The following PRR13 variants were observed in gnomAD, a reference collection of about 807,000 sequenced individuals.
PRR13 encodes proline-rich protein 13.
A neutral mutation model predicts 11.5 loss-of-function variants in PRR13; 7 were observed. That is an observed-to-expected ratio of 0.61 (90% confidence interval 0.34 to 1.14). The LOEUF is 1.14. Ranked by LOEUF, PRR13 falls within the 50% of genes most tolerant of loss-of-function variation. PRR13 has a pLI of 0.03. For synonymous variants in PRR13, 53 were observed against 67.8 expected (o/e 0.78, Z 1.07); for missense variants, 155 against 194.4 (o/e 0.80, Z 1.21).
In PRR13 at chr12:53,442,051, G is replaced by C. The variant is rs1355154029; in HGVS notation, c.-21+259G>C. The C allele has an allele frequency of 3.8e-5, 21 of 552,996 alleles. No individual in the cohort carries two copies. The East Asian group carries it at 6.5e-4, about 17-fold the overall frequency. 34.3% of individuals were successfully genotyped at this position (552,996 alleles called of 1,614,324 possible). Reference sequence around the variant, plus strand: ...TTTGAGATCCTTTCTTACTCTGTGCGTGGTTAAAGGCCTCCGTACTCAGTT... The same window carrying C: ...TTTGAGATCCTTTCTTACTCTGTGCCTGGTTAAAGGCCTCCGTACTCAGTT... On this transcript the variant is annotated intron_variant, in intron 1 of 3. Transcript: ENST00000429243.
At position 53,443,548 on chromosome 12, in the gene PRR13, C is replaced by T. The variant is rs1940338852; in HGVS notation, c.177C>T (p.Pro59=). ...ATCCAGCTTTCCCCCCAGGTGGGCC[C>T]CCTCATCCTGTGCCACAGCCAGGGT... ...HGNPAFPPGG[P]PHPVPQPGYP... The change falls in exon 3 of 4, where the codon CCC becomes CCT. Residue 59 remains proline, a synonymous_variant. Coordinates refer to ENST00000429243, the MANE Select transcript of PRR13 (RefSeq NM_018457.4). The T allele has an allele frequency of 1.9e-6, 3 of 1,589,448 alleles. No individual in the cohort carries two copies. Among genetic ancestry groups the T allele is most frequent in the East Asian group, 2.2e-5 (1 of 44,480 alleles).
intron 3 of PRR13, among the ~76,000 whole-genome samples, chr12:53,444,766 C>T (rs547276946): frequency 3.3e-5 from 5 of 152,076 alleles, no homozygotes; most frequent in South Asian, 2.1e-4. Context: ...GGTGTGGTGG[C>T]GCATGCCTGT....
chr12:53,442,246 TC>T, intron 1 of PRR13: 1 of 215,760 alleles, frequency 4.6e-6, no homozygotes, highest in Non-Finnish European at 9.2e-6. Context: ...ACATTTCTTT[TC>T]TTTTCTTTTC....
chr12:53,441,963 C>T (rs568733926), intron 1 of PRR13, 171 bp downstream of exon 1: 1 of 619,322 alleles, frequency 1.6e-6, no homozygotes, highest in Non-Finnish European at 2.9e-6. Flanking sequence ...CTTCTTACTT[C>T]GCCTCGAGGC....
Position 53,443,877 on chromosome 12 carries a change from T to C in PRR13, c.402+104T>C, listed in dbSNP as rs1428421716. 4.6e-6 allele frequency: 6 copies of C among 1,310,388 alleles called. No individual in the cohort carries two copies. In the African/African-American group the frequency reaches 8.9e-5, roughly 19 times the overall value. 81.2% of individuals were successfully genotyped at this position (1,310,388 alleles called of 1,614,324 possible). ...ATTCACATTCTGTGGACGTGAGGGA[T>C]GACAATTGTGTCGCTCTGGTAGATG... On this transcript the variant is annotated intron_variant, in intron 3 of 3. Transcript: ENST00000429243.
chr12:53,441,951 T>G (rs1356049387), intron 1 of PRR13, 159 bp downstream of exon 1: 7 of 633,042 alleles, frequency 1.1e-5, no homozygotes, highest in South Asian at 1.8e-5. Context: ...TTGGGCAACT[T>G]CCTTCTTACT....
intron 1 of PRR13, 177 bp downstream of exon 1, chr12:53,441,969 G>T: frequency 3.2e-6 from 2 of 617,754 alleles, no homozygotes; most frequent in Non-Finnish European, 2.9e-6. Context: ...ACTTCGCCTC[G>T]AGGCGTATCC....
At chr12:53,442,613 G>C in intron 1 of PRR13, 82 bp from the exon 2 acceptor site, 1 of 1,195,936 alleles carries the variant, frequency 8.4e-7, no homozygotes, top group Non-Finnish European at 1.2e-6. Flanking sequence ...TGGGGTGGAA[G>C]ACGTTAGGGC....
At chr12:53,443,348 ACT>A (rs1289609032) in intron 2 of PRR13, 41 bp from the exon 3 acceptor site, 12 of 1,333,856 alleles carry the variant, frequency 9.0e-6, no homozygotes, top group Admixed American at 3.3e-5. Context: ...GTTGTTGGAG[ACT>A]CTGGGGAATT....
chr12:53,443,774 G>A lies in PRR13; in HGVS notation c.402+1G>A. On this transcript the variant is annotated splice_donor_variant, in intron 3 of 3. Coordinates refer to ENST00000429243, the MANE Select transcript of PRR13 (RefSeq NM_018457.4). LOFTEE classifies it high-confidence loss of function. ...CCACAAGTACCACAAGCATGGCAAG[G>A]TCAGTACCCTCTGGAGACTGGCTAG... 1 of 1,599,650 alleles carries A rather than the reference G, an allele frequency of 6.3e-7. No homozygotes were observed. Among genetic ancestry groups the A allele is most frequent in the Non-Finnish European group, 8.5e-7 (1 of 1,172,646 alleles).
rs900549011 is a variant in PRR13 at position 53,446,085 on chromosome 12, A to C, written c.*26A>C. The C allele has an allele frequency of 5.7e-6, 9 of 1,565,720 alleles. No individual in the cohort carries two copies. The highest frequency in any genetic ancestry group is 7.8e-6 in the Non-Finnish European group (9 of 1,158,796). Reference sequence around the variant, plus strand: ...ATACAGGCCCTGGACCCTTCCCTCAAGTCTCACCAGTTCTGCTCTCCCATC... The same window carrying C: ...ATACAGGCCCTGGACCCTTCCCTCACGTCTCACCAGTTCTGCTCTCCCATC... On this transcript the variant is annotated 3_prime_UTR_variant, in exon 4 of 4. Transcript: ENST00000429243.
At position 53,441,772 on chromosome 12, in the gene PRR13, A is replaced by G. The variant is rs1189616463; in HGVS notation, c.-41A>G. On this transcript the variant is annotated 5_prime_UTR_variant, in exon 1 of 4. Coordinates refer to ENST00000429243, the MANE Select transcript of PRR13 (RefSeq NM_018457.4). ...CGAGACTGCGAAGGAGAACGCAGCA[A>G]GCCCAGGCGGCGGTGGAAAGGTGAT... 17 of 702,326 alleles carry G rather than the reference A, an allele frequency of 2.4e-5. No individual in the cohort carries two copies. In the East Asian group the frequency reaches 4.6e-4, roughly 19 times the overall value. 43.5% of individuals were successfully genotyped at this position (702,326 alleles called of 1,614,324 possible).
chr12:53,444,930 C>T (rs1940372580), intron 3 of PRR13, among the ~76,000 whole-genome samples: 1 of 152,080 alleles, frequency 6.6e-6, no homozygotes, highest in African/African-American at 2.4e-5. Context: ...AGGATAAAAG[C>T]AACTCTGAGG....
In PRR13 at chr12:53,443,751, A is replaced by C. The variant is rs777007078; in HGVS notation, c.380A>C (p.His127Pro). The C allele has an allele frequency of 1.2e-6, 2 of 1,606,836 alleles. No individual in the cohort carries two copies. The highest frequency in any genetic ancestry group is 3.4e-5 in the Admixed American group (2 of 58,384). ...AAGATGCACAAGCACCAAAAGCACC[A>C]CAAGTACCACAAGCATGGCAAGGTC... ...HKKMHKHQKHHKYHKHGKHSS... is the reference protein window; with the variant it reads ...HKKMHKHQKHPKYHKHGKHSS... The change falls in exon 3 of 4, where the codon CAC becomes CCC. Residue 127 changes from histidine (H) to proline (P), a missense_variant. By Grantham distance (77) the His-to-Pro change is moderately conservative (BLOSUM62 -2). Transcript: ENST00000429243.
chr12:53,444,329 GTTT>G (rs959231725), intron 3 of PRR13, among the ~76,000 whole-genome samples: 2 of 131,320 alleles, frequency 1.5e-5, no homozygotes, highest in South Asian at 2.4e-4. Flanking sequence ...GACTAAGGAG[GTTT>G]TTTTTTTTTT....
chr12:53,442,830 G>C, intron 2 of PRR13, 97 bp downstream of exon 2: 1 of 1,343,726 alleles, frequency 7.4e-7, no homozygotes, highest in Non-Finnish European at 1.1e-6. Context: ...CCGACCTGCT[G>C]TACCCGCAAA....
intron 3 of PRR13, 134 bp from the exon 4 acceptor site, chr12:53,445,881 G>A (rs1940390337): frequency 7.6e-7 from 1 of 1,310,934 alleles, no homozygotes; most frequent in African/African-American, 1.5e-5. Context: ...GTCTGTTCAA[G>A]ACTCCTGACC....
At chr12:53,444,896 C>G (rs1014500127) in intron 3 of PRR13, among the ~76,000 whole-genome samples, 3 of 151,386 alleles carry the variant, frequency 2.0e-5, no homozygotes, top group Non-Finnish European at 2.9e-5. Context: ...GACTCCATCT[C>G]AAACAAACAA....
intron 3 of PRR13, among the ~76,000 whole-genome samples, chr12:53,444,614 C>T (rs1280633857): frequency 2.0e-5 from 3 of 152,236 alleles, no homozygotes; most frequent in Non-Finnish European, 2.9e-5. Flanking sequence ...CAGGCGTGAG[C>T]CACTGCACCC....
Sources: gnomAD v4.1 joint callset for allele counts (sites outside exome capture counted in the v4.1 genomes callset) on GRCh38, gnomAD v4.1.1 for gene constraint, MANE v1.5 for transcripts, NCBI Gene and HGNC (gene_info 2026-07-23, HGNC 2026-07-21) for gene names.